PTPRD: variants seen among roughly 807,000 people sequenced by gnomAD.
PTPRD encodes the protein protein tyrosine phosphatase receptor type D, also known as receptor-type tyrosine-protein phosphatase delta.
Under a neutral mutation model 214.5 loss-of-function variants are expected in PTPRD, and 34 were observed. The ratio of observed to expected loss-of-function variants is 0.16; its 90% CI spans 0.12 to 0.21. The LOEUF (loss-of-function observed/expected upper bound fraction) is 0.21, where lower values mean the gene tolerates loss of function less well. Among genes scored for constraint, PTPRD ranks in the 10% least tolerant of loss-of-function variants. PTPRD has a pLI of 1.00. For synonymous variants in PTPRD, 1,128 were observed against 845.7 expected, an observed-to-expected ratio of 1.33 and a Z score of -5.79; for missense variants, 2,545 against 2,398.7, an observed-to-expected ratio of 1.06 and a Z score of -1.27.
At chr9:10,272,868 T>A (rs2094494720) in intron 3 of PTPRD, among the ~76,000 whole-genome samples, 1 of 152,226 alleles carries the variant, frequency 6.6e-6, no homozygotes, top group African/African-American at 2.4e-5. Context: ...TTTTGAAGAC[T>A]TTTATCTTAA....
In PTPRD at chr9:8,314,510, C is replaced by G. The variant is rs1449688047; in HGVS notation, c.*3364G>C. ...GAGCAAAGAACACAACTGTTATTATCTTTGTAAAGACACTCCAAGCTGGGA... is the reference window on the plus strand; with the variant it reads ...GAGCAAAGAACACAACTGTTATTATGTTTGTAAAGACACTCCAAGCTGGGA... On this transcript the variant is annotated 3_prime_UTR_variant, in exon 46 of 46. Transcript: ENST00000381196. The G allele has an allele frequency of 4.3e-6, 1 of 231,934 alleles. No homozygotes were observed. Among genetic ancestry groups the G allele is most frequent in the Non-Finnish European group, 8.5e-6 (1 of 116,966 alleles). 14.4% of individuals were successfully genotyped at this position (231,934 alleles called of 1,614,324 possible).
chr9:8,601,161 T>C (rs951034760), intron 14 of PTPRD, among the ~76,000 whole-genome samples: 2 of 152,038 alleles, frequency 1.3e-5, no homozygotes, highest in African/African-American at 4.8e-5. Flanking sequence ...CCTCTATCTG[T>C]GGAAAGGGGA....
intron 8 of PTPRD, among the ~76,000 whole-genome samples, chr9:9,476,998 G>T (rs1031113006): frequency 1.3e-5 from 2 of 152,054 alleles, no homozygotes; most frequent in Non-Finnish European, 2.9e-5. Flanking sequence ...GCCTCCCAAA[G>T]TGCTGGGATT....
chr9:9,130,794 G>A (rs324548), intron 10 of PTPRD, among the ~76,000 whole-genome samples: 39,467 of 151,938 alleles, frequency 0.26, 5,609 homozygotes, highest in African/African-American at 0.38. Flanking sequence ...TTTTGGGGTA[G>A]TCATTTCACC....
At chr9:10,396,301 A>C (rs1485996134) in intron 2 of PTPRD, among the ~76,000 whole-genome samples, 2 of 151,972 alleles carry the variant, frequency 1.3e-5, no homozygotes, top group African/African-American at 2.4e-5. Context: ...GATCATTGTT[A>C]AGGTGGAGGA....
At chr9:9,037,116 C>G (rs2099624484) in intron 10 of PTPRD, among the ~76,000 whole-genome samples, 1 of 152,080 alleles carries the variant, frequency 6.6e-6, no homozygotes, top group South Asian at 2.1e-4. Flanking sequence ...CACTCCGTGC[C>G]TGGAATCTGG....
chr9:9,712,049 G>C (rs1430088427), intron 7 of PTPRD, among the ~76,000 whole-genome samples: 2 of 151,960 alleles, frequency 1.3e-5, no homozygotes, highest in Non-Finnish European at 2.9e-5. Context: ...CACCGACTTA[G>C]CAAAACTCAA....
At chr9:8,619,964 A>C (rs1301331747) in intron 14 of PTPRD, among the ~76,000 whole-genome samples, 1 of 152,006 alleles carries the variant, frequency 6.6e-6, no homozygotes, top group African/African-American at 2.4e-5. Flanking sequence ...TGGTCAAGCC[A>C]CCTCTGAATC....
intron 9 of PTPRD, among the ~76,000 whole-genome samples, chr9:9,243,323 C>G (rs1251827310): frequency 6.6e-6 from 1 of 152,042 alleles, no homozygotes; most frequent in East Asian, 1.9e-4. Flanking sequence ...CAAAGCCTGG[C>G]AGAGACACAA....
intron 14 of PTPRD, among the ~76,000 whole-genome samples, chr9:8,620,597 G>C (rs2095791031): frequency 6.6e-6 from 1 of 151,972 alleles, no homozygotes; most frequent in Admixed American, 6.6e-5. Context: ...ACCAGGTACA[G>C]TCCAGTTAAT....
chr9:9,242,181 C>T (rs1435640162), intron 9 of PTPRD, among the ~76,000 whole-genome samples: 3 of 152,188 alleles, frequency 2.0e-5, no homozygotes, highest in African/African-American at 4.8e-5. Context: ...TACCCACTCT[C>T]TTCTGGCTTG....
At chr9:8,749,841 C>T (rs1334236768) in intron 11 of PTPRD, among the ~76,000 whole-genome samples, 1 of 152,066 alleles carries the variant, frequency 6.6e-6, no homozygotes, top group African/African-American at 2.4e-5. Context: ...GTGGCTTACG[C>T]CTGTAATCAC....
At chr9:8,827,061 A>G (rs776862714) in intron 11 of PTPRD, among the ~76,000 whole-genome samples, 22 of 151,912 alleles carry the variant, frequency 1.4e-4, no homozygotes, top group Non-Finnish European at 2.5e-4. Flanking sequence ...ACACACACAC[A>G]CTACACACAC....
intron 4 of PTPRD, among the ~76,000 whole-genome samples, chr9:9,946,362 C>T (rs893020482): frequency 5.3e-5 from 8 of 152,138 alleles, no homozygotes; most frequent in Admixed American, 1.3e-4. Context: ...CAAAGCACTA[C>T]ATATGGCTGA....
At chr9:8,785,783 G>T (rs2095923821) in intron 11 of PTPRD, among the ~76,000 whole-genome samples, 1 of 152,182 alleles carries the variant, frequency 6.6e-6, no homozygotes, top group Non-Finnish European at 1.5e-5. Flanking sequence ...CTTCAAACTA[G>T]GGTAGCTGAG....
At chr9:9,944,671 G>C (rs1033594756) in intron 4 of PTPRD, among the ~76,000 whole-genome samples, 3 of 151,910 alleles carry the variant, frequency 2.0e-5, no homozygotes, top group Admixed American at 2.0e-4. Flanking sequence ...AGCATACATA[G>C]ATTGCTTAAA....
At chr9:9,444,082 C>T (rs569835693) in intron 8 of PTPRD, among the ~76,000 whole-genome samples, 2 of 152,178 alleles carry the variant, frequency 1.3e-5, no homozygotes, top group East Asian at 3.9e-4. Flanking sequence ...TCCTGTTTGG[C>T]CAAACACTGT....
intron 25 of PTPRD, among the ~76,000 whole-genome samples, chr9:8,499,093 T>C (rs1326950740): frequency 1.3e-5 from 2 of 152,184 alleles, no homozygotes; most frequent in Non-Finnish European, 2.9e-5. Context: ...TGATTTAATT[T>C]TTAATATCAT....
chr9:9,797,398 G>C (rs1409774407), intron 5 of PTPRD, among the ~76,000 whole-genome samples: 1 of 151,348 alleles, frequency 6.6e-6, no homozygotes, highest in Non-Finnish European at 1.5e-5. Context: ...ATTTAAGAAG[G>C]TAATTATTGT....
Sources: allele counts gnomAD v4.1 joint callset (sites outside exome capture counted in the v4.1 genomes callset), GRCh38; gene constraint gnomAD v4.1.1; transcripts MANE v1.5; gene names NCBI Gene and HGNC (gene_info 2026-07-23, HGNC 2026-07-21).